Variants in NRXN1 observed in about 807,000 individuals in gnomAD.
NRXN1 encodes the protein neurexin-1.
A neutral mutation model predicts 150.9 loss-of-function variants in NRXN1; 39 were observed. The ratio of observed to expected loss-of-function variants is 0.26; its 90% CI spans 0.20 to 0.34. The LOEUF (loss-of-function observed/expected upper bound fraction) is 0.34. NRXN1 is among the 10% of genes least tolerant of loss of function. The pLI, the probability that NRXN1 is intolerant of heterozygous loss-of-function variation, is 1.00. For missense variants in NRXN1, 1,815 were observed against 1,949.9 expected (o/e 0.93, Z 1.30); for synonymous variants, 924 against 757.0 (o/e 1.22, Z -3.62).
intron 14 of NRXN1, among the ~76,000 whole-genome samples, chr2:50,496,804 G>A (rs2091657572): frequency 1.3e-5 from 2 of 152,162 alleles, no homozygotes; most frequent in African/African-American, 4.8e-5. Context: ...TTTGCAGAAT[G>A]AGTGAATAAA....
intron 17 of NRXN1, among the ~76,000 whole-genome samples, chr2:50,327,585 A>G (rs2076467761): frequency 6.6e-6 from 1 of 151,964 alleles, no homozygotes; most frequent in African/African-American, 2.4e-5. Flanking sequence ...AACCTTCATC[A>G]TGCTTCTTTT....
intron 5 of NRXN1, among the ~76,000 whole-genome samples, chr2:50,671,495 T>C (rs974653931): frequency 2.6e-5 from 4 of 151,660 alleles, no homozygotes; most frequent in African/African-American, 7.2e-5. Flanking sequence ...TTATAAGTGA[T>C]ACATATACAT....
intron 18 of NRXN1, among the ~76,000 whole-genome samples, chr2:50,207,183 A>G (rs906238553): frequency 6.6e-6 from 1 of 152,114 alleles, no homozygotes; most frequent in African/African-American, 2.4e-5. Context: ...CACATTCACC[A>G]AACTATCTTC....
rs1323306682 is a variant in NRXN1, at chr2:50,522,719, C to CCTTTTTTTTTTTTTTTTTTTTTTTTTT, written c.2374+5905_2374+5906insAAAAAAAAAAAAAAAAAAAAAAAAAAG. On this transcript the variant is annotated intron_variant, in intron 12 of 22. Transcript: ENST00000401669. Reference sequence around the variant, plus strand: ...TTCCATTTATTCATTTATTTTTATTCATTTTTTTTTTTTTTTTTTTTTTTT... The same window carrying CCTTTTTTTTTTTTTTTTTTTTTTTTTT: ...TTCCATTTATTCATTTATTTTTATTCCTTTTTTTTTTTTTTTTTTTTTTTTTTATTTTTTTTTTTTTTTTTTTTTTTT... Among the ~76,000 whole-genome samples the CCTTTTTTTTTTTTTTTTTTTTTTTTTT allele has an allele frequency of 3.1e-4, 27 of 86,596 alleles. 9 individuals are homozygous for CCTTTTTTTTTTTTTTTTTTTTTTTTTT. Among genetic ancestry groups the CCTTTTTTTTTTTTTTTTTTTTTTTTTT allele is most frequent in the African/African-American group, 5.4e-4 (9 of 16,768 alleles). 56.8% of individuals were successfully genotyped at this position (86,596 alleles called of 152,430 possible).
intron 8 of NRXN1, among the ~76,000 whole-genome samples, chr2:50,585,952 T>G (rs1195141848): frequency 6.6e-6 from 1 of 152,192 alleles, no homozygotes; most frequent in Non-Finnish European, 1.5e-5. Context: ...AACAACCATT[T>G]CAAAAAACCT....
At chr2:50,828,182 C>T (rs1670764086) in intron 5 of NRXN1, among the ~76,000 whole-genome samples, 2 of 150,518 alleles carry the variant, frequency 1.3e-5, no homozygotes, top group South Asian at 2.1e-4. Context: ...GTAGGGGCGG[C>T]CGGGCAGAGG....
chr2:50,582,624 C>T (rs1363667703), intron 8 of NRXN1, among the ~76,000 whole-genome samples: 2 of 150,748 alleles, frequency 1.3e-5, no homozygotes, highest in East Asian at 1.9e-4. Flanking sequence ...ACATAGGCTA[C>T]GTAGCATCTC....
At position 50,528,644 on chromosome 2, in the gene NRXN1, G is replaced by C. The variant is rs2093021009; in HGVS notation, c.2355C>G (p.Ile785Met). The C allele has an allele frequency of 1.3e-6, 2 of 1,547,296 alleles. No individual in the cohort carries two copies. Among genetic ancestry groups the C allele is most frequent in the Non-Finnish European group, 1.8e-6 (2 of 1,127,136 alleles). The change falls in exon 12 of 23, where the codon ATC becomes ATG. Residue 785 changes from isoleucine (I) to methionine (M), a missense_variant. Around this residue, in one of 6 missense-constraint regions of NRXN1, gnomAD observed 638 missense variants for 652.6 expected, o/e 0.98. Coordinates refer to ENST00000401669, the MANE Select transcript of NRXN1 (RefSeq NM_001330078.2). ...ACTTACTGGAATTACAGTTAATCCT[G>C]ATACAATCTAGATGGGGAAGAATAG... ...RVKLTVNLDC[I>M]RINCNSSKGP...
chr2:50,976,899 G>A (rs182828862), intron 2 of NRXN1, among the ~76,000 whole-genome samples: 46 of 152,038 alleles, frequency 3.0e-4, no homozygotes, highest in South Asian at 2.1e-4. Flanking sequence ...TCATGATTCC[G>A]TTACCTCCTT....
intron 5 of NRXN1, among the ~76,000 whole-genome samples, chr2:50,732,758 C>T (rs1052507949): frequency 6.6e-6 from 1 of 152,122 alleles, no homozygotes; most frequent in Non-Finnish European, 1.5e-5. Context: ...TCCACCACTT[C>T]TATGTACTAT....
At chr2:50,110,332 T>G (rs1702209161) in intron 18 of NRXN1, among the ~76,000 whole-genome samples, 1 of 150,430 alleles carries the variant, frequency 6.6e-6, no homozygotes, top group African/African-American at 2.4e-5. Context: ...CTACTAAAAA[T>G]ACAAAAAAAA....
intron 17 of NRXN1, among the ~76,000 whole-genome samples, chr2:50,326,928 A>C (rs1156323099): frequency 6.6e-6 from 1 of 152,200 alleles, no homozygotes; most frequent in Non-Finnish European, 1.5e-5. Context: ...AAACAAAAAA[A>C]CAGAAACACT....
intron 17 of NRXN1, among the ~76,000 whole-genome samples, chr2:50,418,535 T>C (rs1404047507): frequency 1.3e-5 from 2 of 152,088 alleles, no homozygotes; most frequent in Non-Finnish European, 2.9e-5. Context: ...TAGATTAGTG[T>C]CTTTTCAGAA....
intron 15 of NRXN1, among the ~76,000 whole-genome samples, chr2:50,485,932 A>C (rs1288769914): frequency 6.6e-6 from 1 of 152,226 alleles, no homozygotes; most frequent in Admixed American, 6.5e-5. Context: ...ACTGCCAGTG[A>C]CTGACCAAAG....
chr2:50,144,580 A>C (rs985596597), intron 18 of NRXN1, among the ~76,000 whole-genome samples: 6 of 151,922 alleles, frequency 3.9e-5, no homozygotes, highest in African/African-American at 1.4e-4. Flanking sequence ...ACGGATAAAG[A>C]AGAAGCCAAT....
chr2:50,434,043 A>ATCTTTTTTTTTTTTTTTTTTTTTTTTTT (rs1553609855), intron 17 of NRXN1, among the ~76,000 whole-genome samples: 2 of 72,154 alleles, frequency 2.8e-5, no homozygotes, highest in African/African-American at 5.5e-5. Flanking sequence ...TATCTAAGCC[A>ATCTTTTTTTTTTTTTTTTTTTTTTTTTT]TTTTTTTTTT....
intron 5 of NRXN1, among the ~76,000 whole-genome samples, chr2:50,840,710 T>C (rs925052012): frequency 6.6e-6 from 1 of 152,168 alleles, no homozygotes; most frequent in Admixed American, 6.5e-5. Flanking sequence ...ACATAAGTGA[T>C]GCCACACCCA....
chr2:49,944,584 A>G (rs1339743823), intron 21 of NRXN1, among the ~76,000 whole-genome samples: 4 of 152,182 alleles, frequency 2.6e-5, no homozygotes, highest in African/African-American at 9.7e-5. Context: ...AAATCCTAGC[A>G]GTTAGTCACA....
At chr2:50,474,292 T>C (rs1195160528) in intron 15 of NRXN1, among the ~76,000 whole-genome samples, 1 of 151,792 alleles carries the variant, frequency 6.6e-6, no homozygotes, top group Admixed American at 6.6e-5. Flanking sequence ...AGTCTAAAAA[T>C]CCTAGACTCT....
Sources: gnomAD v4.1 joint callset for allele counts (sites outside exome capture counted in the v4.1 genomes callset) on GRCh38, gnomAD v4.1.1 for gene constraint, gnomAD v4.1.1 regional missense constraint, MANE v1.5 for transcripts, NCBI Gene and HGNC (gene_info 2026-07-23, HGNC 2026-07-21) for gene names.